TGM7: variants seen among roughly 807,000 people sequenced by gnomAD.
The protein encoded by TGM7 is transglutaminase 7.
TGM7 carries 74 observed loss-of-function variants against 79.5 expected under a neutral mutation model. That is an observed-to-expected ratio of 0.93 (90% CI 0.77 to 1.13). The LOEUF (loss-of-function observed/expected upper bound fraction) is 1.13, where lower values mean the gene tolerates loss of function less well. Among genes scored for constraint, TGM7 ranks in the 50% most tolerant of loss-of-function variants. The probability of loss-of-function intolerance (pLI) is 0.00; values close to 1 mark genes in which losing one functional copy is unlikely to be tolerated. For synonymous variants in TGM7, 354 were observed against 362.5 expected, an observed-to-expected ratio of 0.98 and a Z score of 0.27; for missense variants, 912 against 905.9, an observed-to-expected ratio of 1.01 and a Z score of -0.09.
chr15:43,284,865 T>A lies in TGM7; in HGVS notation c.953A>T (p.Tyr318Phe), dbSNP rs764944635. The change falls in exon 7 of 13, where the codon TAC becomes TTC. Residue 318 changes from tyrosine (Y) to phenylalanine (F), a missense_variant. By Grantham distance (22) the Tyr-to-Phe change is conservative (BLOSUM62 3). Transcript: ENST00000452443. ...NVDRNLTIDT[Y>F]YDRNAEMLST... ...CAGCATCTCGGCATTTCGGTCATAGTACGTATCGATGGTCAAGTTCCTATC... is the reference window on the plus strand; with the variant it reads ...CAGCATCTCGGCATTTCGGTCATAGAACGTATCGATGGTCAAGTTCCTATC... 3 of 1,614,066 alleles carry A rather than the reference T, an allele frequency of 1.9e-6. No individual in the cohort carries two copies. The highest frequency in any genetic ancestry group is 2.7e-5 in the African/African-American group (2 of 74,932).
At chr15:43,286,555 G>C (rs955627201) in intron 6 of TGM7, among the ~76,000 whole-genome samples, 1 of 152,112 alleles carries the variant, frequency 6.6e-6, no homozygotes, top group Non-Finnish European at 1.5e-5. Context: ...AAAAGTCTCT[G>C]CCCTTGTCTT....
rs377262824 is a variant in TGM7, at chr15:43,279,168, G to A, written c.1788C>T (p.Ser596=). The change falls in exon 11 of 13, where the codon TCC becomes TCT. Residue 596 remains serine, a synonymous_variant. Transcript: ENST00000452443. ...GIAEVEETGR[S]MLVLKDICLE... is the part of the protein sequence containing the mutation. ...GACAGATATCTTTTAGGACCAGCAT[G>A]GACCTCCCTGTCTCTTCAACCTCCG... is the stretch of plus-strand genomic sequence containing the variant. 3 of 1,614,054 alleles carry A rather than the reference G, an allele frequency of 1.9e-6. No homozygotes were observed. The highest frequency in any genetic ancestry group is 1.3e-5 in the African/African-American group (1 of 74,916).
At chr15:43,297,823 G>T (rs2043007230) in intron 1 of TGM7, among the ~76,000 whole-genome samples, 1 of 152,152 alleles carries the variant, frequency 6.6e-6, no homozygotes, top group African/African-American at 2.4e-5. Flanking sequence ...CAAGCATGAT[G>T]CTTTACTTCC....
In TGM7 at chr15:43,293,492, G is replaced by A; in HGVS notation, c.150C>T (p.Pro50=). 1 of 1,611,282 alleles carries A rather than the reference G, an allele frequency of 6.2e-7. No individual in the cohort carries two copies. Among genetic ancestry groups the A allele is most frequent in the Non-Finnish European group, 8.5e-7 (1 of 1,179,082 alleles). Residue 50 remains proline, a synonymous_variant, in exon 2 of 13, where the codon CCC becomes CCT. Coordinates refer to ENST00000452443, the MANE Select transcript of TGM7 (RefSeq NM_052955.3). ...TGATGTGGTCGTTCTGGGACTGGAA[G>A]GGTCGGCTGAAGCTCAGCCGGAGGT... ...PFYLRLSFSR[P]FQSQNDHITF...
chr15:43,282,531 TG>T lies in TGM7; in HGVS notation c.1093del (p.Gln365SerfsTer15). On this transcript the variant is annotated frameshift_variant, in exon 8 of 13. Transcript: ENST00000452443. LOFTEE classifies it high-confidence loss of function. The part of the protein sequence containing the change: ...NGWQVLDPTP[Q>X]QTSSGLFCCG... ...TCCTCACTCACCACTGCTGGTCTGC[TG>T]GGGAGTGGGGTCCAGAACCTGCCAC... is the stretch of plus-strand genomic sequence containing the variant. 6.3e-7 allele frequency: 1 copy of T among 1,592,168 alleles called. No individual in the cohort carries two copies. The highest frequency in any genetic ancestry group is 8.6e-7 in the Non-Finnish European group (1 of 1,168,370).
chr15:43,284,622 A>G (rs2042925641), intron 7 of TGM7, among the ~76,000 whole-genome samples, 192 bp downstream of exon 7: 1 of 152,250 alleles, frequency 6.6e-6, no homozygotes, highest in Non-Finnish European at 1.5e-5. Context: ...TCTACCTCTG[A>G]AATGAGTTAA....
At chr15:43,281,348 C>T (rs1271256363) in intron 9 of TGM7, among the ~76,000 whole-genome samples, 2 of 152,256 alleles carry the variant, frequency 1.3e-5, no homozygotes, top group Non-Finnish European at 2.9e-5. Flanking sequence ...AGGGGCCCAT[C>T]CCCCTGACTC....
chr15:43,292,959 G>A lies in TGM7; in HGVS notation c.194-5C>T. On this transcript the variant is annotated splice_region_variant and splice_polypyrimidine_tract_variant and intron_variant, in intron 2 of 12. Transcript: ENST00000452443. ...GCAGCTCTGACGGCTTGGGTCCTGT[G>A]TAGGAGAGAATGACCCCACAGTGAG... 6.2e-7 allele frequency: 1 copy of A among 1,612,786 alleles called. No individual in the cohort carries two copies. Among genetic ancestry groups the A allele is most frequent in the East Asian group, 2.2e-5 (1 of 44,878 alleles).
rs1328049796 is a variant in TGM7 at position 43,284,677 on chromosome 15, TTCTTC to T, written c.1004+132_1004+136del. ...CAGAACAGCCTCCTGGGTTGGGGAATTCTTCTCTTCTCTGAGCATTAGCAGCAATG... is the reference window on the plus strand; with the variant it reads ...CAGAACAGCCTCCTGGGTTGGGGAATTCTTCTCTGAGCATTAGCAGCAATG... On this transcript the variant is annotated intron_variant, in intron 7 of 12. Coordinates refer to ENST00000452443, the MANE Select transcript of TGM7 (RefSeq NM_052955.3). 8.3e-6 allele frequency: 9 copies of T among 1,090,828 alleles called. No homozygotes were observed. The East Asian group carries it at 1.4e-4, about 17-fold the overall frequency. 67.6% of individuals were successfully genotyped at this position (1,090,828 alleles called of 1,614,324 possible).
chr15:43,278,807 C>T (rs2042890609), intron 11 of TGM7, among the ~76,000 whole-genome samples: 2 of 152,244 alleles, frequency 1.3e-5, no homozygotes, highest in Non-Finnish European at 2.9e-5. Context: ...GTCTCCTCTA[C>T]TTCATCTCCT....
Position 43,287,542 on chromosome 15 carries a change from A to C in TGM7, c.686T>G (p.Met229Arg), listed in dbSNP as rs75537788. 1 of 1,613,586 alleles carries C rather than the reference A, an allele frequency of 6.2e-7. No homozygotes were observed. Among genetic ancestry groups the C allele is most frequent in the East Asian group, 2.2e-5 (1 of 44,868 alleles). ...VVYVCRVVSA[M>R]INSNDDNGVL... ...ACGGCGGGAAGCATCCATCCTTACC[A>C]TGGCACTCACCACCCTGCACACATA... Residue 229 changes from methionine (M) to arginine (R), a missense_variant and splice_region_variant, in exon 5 of 13, where the codon ATG becomes AGG. Transcript: ENST00000452443.
Position 43,281,878 on chromosome 15 carries a change from G to T in TGM7, c.1317C>A (p.Arg439=). The T allele has an allele frequency of 1.2e-6, 2 of 1,614,198 alleles. No individual in the cohort carries two copies. The highest frequency in any genetic ancestry group is 4.5e-5 in the East Asian group (2 of 44,888). ...ISTKMVGSDQ[R]QSITSSYKYP... is the part of the protein sequence containing the mutation. ...ACTTGTAGGAGCTGGTGATGCTCTG[G>T]CGCTGGTCTGACCCCACCATCTTAG... The change falls in exon 9 of 13, where the codon CGC becomes CGA. Residue 439 remains arginine (R), a synonymous_variant. Coordinates refer to ENST00000452443, the MANE Select transcript of TGM7 (RefSeq NM_052955.3).
At chr15:43,279,074 G>T in intron 11 of TGM7, 43 bp downstream of exon 11, 1 of 1,579,954 alleles carries the variant, frequency 6.3e-7, no homozygotes, top group Non-Finnish European at 8.6e-7. Flanking sequence ...TGGATTGGGT[G>T]AGTCAGAGAG....
In TGM7 at chr15:43,293,509, G is replaced by T. The variant is rs755076364; in HGVS notation, c.133C>A (p.Leu45Met). 4.3e-6 allele frequency: 7 copies of T among 1,611,916 alleles called. No individual in the cohort carries two copies. In the South Asian group the frequency reaches 6.6e-5, roughly 15 times the overall value. The change falls in exon 2 of 13, where the codon CTG (leucine) becomes ATG (methionine). Residue 45 changes from leucine (L) to methionine (M), a missense_variant. Leu to Met is a conservative substitution (Grantham distance 15, BLOSUM62 2). Transcript: ENST00000452443. ...VRRGQPFYLR[L>M]SFSRPFQSQN... The stretch of plus-strand genomic sequence containing the variant: ...GACTGGAAGGGTCGGCTGAAGCTCA[G>T]CCGGAGGTAGAAGGGCTGGCCGCGG...
At chr15:43,297,545 A>G (rs552532325) in intron 1 of TGM7, among the ~76,000 whole-genome samples, 38 of 140,254 alleles carry the variant, frequency 2.7e-4, no homozygotes, top group African/African-American at 7.0e-4. Flanking sequence ...GAAAGAGAAA[A>G]AGAAAGAAAG....
intron 11 of TGM7, among the ~76,000 whole-genome samples, chr15:43,277,722 T>C (rs1342924372): frequency 1.3e-5 from 2 of 152,142 alleles, no homozygotes; most frequent in Admixed American, 6.5e-5. Context: ...ATGATGGATA[T>C]CAGTAAGCAC....
At chr15:43,298,026 T>C (rs2043008541) in intron 1 of TGM7, among the ~76,000 whole-genome samples, 1 of 152,254 alleles carries the variant, frequency 6.6e-6, no homozygotes. Context: ...ATGCCCGGCA[T>C]TGTTTAGAGC....
At chr15:43,297,828 A>G (rs2043007268) in intron 1 of TGM7, among the ~76,000 whole-genome samples, 1 of 152,144 alleles carries the variant, frequency 6.6e-6, no homozygotes. Context: ...ATGATGCTTT[A>G]CTTCCCACCA....
intron 1 of TGM7, among the ~76,000 whole-genome samples, chr15:43,295,275 T>G (rs905263949): frequency 2.0e-5 from 3 of 152,226 alleles, no homozygotes; most frequent in Non-Finnish European, 2.9e-5. Flanking sequence ...CTTTCTTCCA[T>G]GTTAACACTG....
Sources: gnomAD v4.1 joint callset for allele counts (sites outside exome capture counted in the v4.1 genomes callset) on GRCh38, gnomAD v4.1.1 for gene constraint, MANE v1.5 for transcripts, NCBI Gene and HGNC (gene_info 2026-07-23, HGNC 2026-07-21) for gene names.